Variants in PUM3 observed in about 807,000 individuals in gnomAD.
PUM3 encodes the protein pumilio RNA binding family member 3, also known as pumilio homolog 3.
PUM3 carries 91 observed loss-of-function variants against 84.0 expected under a neutral mutation model. The ratio of observed to expected loss-of-function variants is 1.08; its 90% CI spans 0.91 to 1.29. PUM3 has a LOEUF of 1.29. Ranked by LOEUF, PUM3 falls within the 50% of genes most tolerant of loss-of-function variation. The pLI is 0.00. For missense variants in PUM3, 1,067 were observed against 767.5 expected (o/e 1.39, Z -4.61); for synonymous variants, 321 against 266.7 (o/e 1.20, Z -1.98).
intron 12 of PUM3, among the ~76,000 whole-genome samples, chr9:2,821,172 C>T (rs1821580815): frequency 6.6e-6 from 1 of 152,172 alleles, no homozygotes; most frequent in Middle Eastern, 3.4e-3. Flanking sequence ...AAGCCAGGTG[C>T]GGTAGCTCAC....
chr9:2,827,785 C>G (rs926902035), intron 9 of PUM3, among the ~76,000 whole-genome samples: 1 of 152,204 alleles, frequency 6.6e-6, no homozygotes, highest in Non-Finnish European at 1.5e-5. Flanking sequence ...TGTTTTGGAA[C>G]AACCAACCCA....
intron 11 of PUM3, 71 bp downstream of exon 11, chr9:2,824,646 T>G (rs1815758539): frequency 1.0e-6 from 1 of 995,830 alleles, no homozygotes; most frequent in East Asian, 3.0e-5. Flanking sequence ...TAAGGACAGC[T>G]AAGTCAAGCC....
At chr9:2,818,318 C>T (rs1456498487) in intron 13 of PUM3, among the ~76,000 whole-genome samples, 3 of 152,240 alleles carry the variant, frequency 2.0e-5, no homozygotes, top group Admixed American at 6.5e-5. Context: ...ATGAGAAAGT[C>T]GTTAAGAATG....
At chr9:2,832,630 T>C (rs1287855206) in intron 5 of PUM3, among the ~76,000 whole-genome samples, 2 of 152,212 alleles carry the variant, frequency 1.3e-5, no homozygotes, top group Non-Finnish European at 2.9e-5. Context: ...GTGAAATATT[T>C]ATAAATTGTC....
chr9:2,835,543 C>T (rs1004320609), intron 3 of PUM3, among the ~76,000 whole-genome samples: 38 of 127,602 alleles, frequency 3.0e-4, no homozygotes, highest in African/African-American at 1.2e-3. Context: ...ATTTATTATT[C>T]CTTTATTGTT....
chr9:2,829,280 G>A (rs901553113), intron 8 of PUM3, among the ~76,000 whole-genome samples: 5 of 152,210 alleles, frequency 3.3e-5, no homozygotes, highest in African/African-American at 1.2e-4. Flanking sequence ...TAGTCCCACT[G>A]CTAACTATTC....
intron 3 of PUM3, among the ~76,000 whole-genome samples, chr9:2,836,474 G>A (rs1020208849): frequency 3.9e-5 from 6 of 152,170 alleles, no homozygotes; most frequent in African/African-American, 1.2e-4. Context: ...ATGACCCACT[G>A]AACATCGTTG....
chr9:2,840,363 G>T (rs527509935), intron 1 of PUM3, among the ~76,000 whole-genome samples: 1 of 152,106 alleles, frequency 6.6e-6, no homozygotes, highest in Non-Finnish European at 1.5e-5. Context: ...CCAGGCATAC[G>T]TTAAACTACC....
At chr9:2,830,936 T>C (rs772057787) in intron 7 of PUM3, 26 bp downstream of exon 7, 9 of 1,142,890 alleles carry the variant, frequency 7.9e-6, no homozygotes, top group Non-Finnish European at 1.2e-5. Context: ...AAAGAAAAAA[T>C]GTATTTTATA....
intron 2 of PUM3, 76 bp downstream of exon 2, chr9:2,838,348 TAC>T: frequency 1.1e-6 from 1 of 941,006 alleles, no homozygotes; most frequent in East Asian, 2.4e-5. Flanking sequence ...AGCCAATGAA[TAC>T]AGATTGAAAT....
intron 3 of PUM3, among the ~76,000 whole-genome samples, chr9:2,835,783 A>T (rs1816104991): frequency 6.6e-6 from 1 of 152,196 alleles, no homozygotes; most frequent in South Asian, 2.1e-4. Flanking sequence ...ATGTTATTTT[A>T]TCAGTCTAGT....
In PUM3 at chr9:2,804,436, A is replaced by G; in HGVS notation, c.1842T>C (p.Val614=). 19 of 1,614,014 alleles carry G rather than the reference A, an allele frequency of 1.2e-5. No individual in the cohort carries two copies. Among genetic ancestry groups the G allele is most frequent in the Non-Finnish European group, 1.6e-5 (19 of 1,179,962 alleles). Residue 614 remains valine, a synonymous_variant, in exon 18 of 18, where the codon GTT becomes GTC. Transcript: ENST00000397885. ...TCAGTGCAGCTTTGACTTTGTTTGC[A>G]ACTTCCAGGTCACAACTCTGGAGGA... ...SSLLQSCDLE[V]ANKVKAALKS...
At position 2,838,434 on chromosome 9, in the gene PUM3, T is replaced by A; in HGVS notation, c.74A>T (p.Lys25Ile). 6.2e-7 allele frequency: 1 copy of A among 1,609,286 alleles called. No individual in the cohort carries two copies. Among genetic ancestry groups the A allele is most frequent in the Non-Finnish European group, 8.5e-7 (1 of 1,175,676 alleles). Residue 25 changes from lysine (K) to isoleucine (I), a missense_variant, in exon 2 of 18, where the codon AAA (lysine) becomes ATA (isoleucine). Coordinates refer to ENST00000397885, the MANE Select transcript of PUM3 (RefSeq NM_014878.5). ...TGGGAAGCATATCTTACCACTATTT[T>A]TATGAAATCTGTTTTTTTCTTGTGC... is the stretch of plus-strand genomic sequence containing the variant. ...KTAQEKNRFH[K>I]NSDSGSSKTF... is the part of the protein sequence containing the mutation.
intron 8 of PUM3, among the ~76,000 whole-genome samples, chr9:2,829,044 A>G (rs999744424): frequency 1.3e-5 from 2 of 152,214 alleles, no homozygotes; most frequent in African/African-American, 4.8e-5. Context: ...CTCTTGCCCA[A>G]TTATGAGATC....
At chr9:2,836,251 C>T (rs1357408772) in intron 3 of PUM3, among the ~76,000 whole-genome samples, 1 of 152,084 alleles carries the variant, frequency 6.6e-6, no homozygotes, top group Non-Finnish European at 1.5e-5. Context: ...AAACCATCCC[C>T]AGTGGTCTCA....
intron 3 of PUM3, among the ~76,000 whole-genome samples, chr9:2,835,292 C>A (rs1317604955): frequency 6.6e-6 from 1 of 152,094 alleles, no homozygotes; most frequent in African/African-American, 2.4e-5. Context: ...GTGGTACATG[C>A]CTGCAGTCCC....
chr9:2,821,617 T>A (rs1005508558), intron 12 of PUM3, among the ~76,000 whole-genome samples: 1 of 152,136 alleles, frequency 6.6e-6, no homozygotes, highest in East Asian at 1.9e-4. Flanking sequence ...TAGACTAATT[T>A]ATCAAAGGTT....
In PUM3 at chr9:2,810,427, T is replaced by A. The variant is rs1821342179; in HGVS notation, c.1640A>T (p.His547Leu). 1 of 1,600,328 alleles carries A rather than the reference T, an allele frequency of 6.2e-7. No individual in the cohort carries two copies. Residue 547 changes from histidine (H) to leucine (L), a missense_variant, in exon 16 of 18, where the codon CAC (histidine) becomes CTC (leucine). Transcript: ENST00000397885. ...LHPGGKDGEL[H>L]IAEHPAGHLV... The stretch of plus-strand genomic sequence containing the variant: ...ATGTCCTGCAGGATGTTCTGCAATG[T>A]GAAGCTATGAAGGGTCAAGAACAGT...
At chr9:2,842,705 TCTC>T (rs1429932184) in intron 1 of PUM3, among the ~76,000 whole-genome samples, 5 of 152,146 alleles carry the variant, frequency 3.3e-5, no homozygotes, top group African/African-American at 1.2e-4. Flanking sequence ...ATTATGAACT[TCTC>T]CTTGGGGTCC....
Sources: allele counts gnomAD v4.1 joint callset (sites outside exome capture counted in the v4.1 genomes callset), GRCh38; gene constraint gnomAD v4.1.1; transcripts MANE v1.5; gene names NCBI Gene and HGNC (gene_info 2026-07-23, HGNC 2026-07-21).